TOMM70: variants seen among roughly 807,000 people sequenced by gnomAD.
The protein encoded by TOMM70 is mitochondrial import receptor subunit TOM70.
Under a neutral mutation model 73.6 loss-of-function variants are expected in TOMM70, and 13 were observed. The ratio of observed to expected loss-of-function variants is 0.18; its 90% CI spans 0.11 to 0.28. The LOEUF is 0.28. TOMM70 is among the 10% of genes least tolerant of loss of function. The probability of loss-of-function intolerance (pLI) is 1.00; values close to 1 mark genes in which losing one functional copy is unlikely to be tolerated. For missense variants in TOMM70, 609 were observed against 747.5 expected (o/e 0.81, Z 2.16); for synonymous variants, 257 against 271.2 (o/e 0.95, Z 0.51).
At chr3:100,394,483 A>G (rs114698617) in intron 1 of TOMM70, among the ~76,000 whole-genome samples, 1,683 of 150,938 alleles carry the variant, frequency 0.011, 25 homozygotes, top group African/African-American at 0.039. Context: ...TTCAATACTT[A>G]TTGACCAATT....
intron 1 of TOMM70, among the ~76,000 whole-genome samples, chr3:100,391,042 G>A (rs1027034807): frequency 1.3e-5 from 2 of 152,112 alleles, no homozygotes; most frequent in African/African-American, 4.8e-5. Flanking sequence ...TCAGGAGGCT[G>A]AGGCAGGAGA....
At chr3:100,380,575 T>G (rs1706622112) in intron 5 of TOMM70, among the ~76,000 whole-genome samples, 1 of 152,222 alleles carries the variant, frequency 6.6e-6, no homozygotes, top group South Asian at 2.1e-4. Flanking sequence ...TGATGATAGC[T>G]AGCTACGTCC....
In TOMM70 at chr3:100,376,369, G is replaced by GTTTTTTGTTTTTTT. The variant is rs1553737780; in HGVS notation, c.1093-1218_1093-1217insAAAAAAACAAAAAA. ...CTTGATGGTGTCTTTTCACACAGAA[G>GTTTTTTGTTTTTTT]TTTTTTTTTTTTTTTGAGACAGGAT... On this transcript the variant is annotated intron_variant, in intron 6 of 11. Coordinates refer to ENST00000284320, the MANE Select transcript of TOMM70 (RefSeq NM_014820.5). 6.7e-4 allele frequency among the ~76,000 whole-genome samples: 81 copies of GTTTTTTGTTTTTTT among 121,774 alleles called. 2 individuals carry two copies. Among genetic ancestry groups the GTTTTTTGTTTTTTT allele is most frequent in the African/African-American group, 2.6e-3 (70 of 27,062 alleles). 79.9% of individuals were successfully genotyped at this position (121,774 alleles called of 152,430 possible). A position where few individuals can be genotyped will look rare whatever the true frequency, so the allele number is the denominator to read the frequency against.
intron 8 of TOMM70, 32 bp from the exon 9 acceptor site, chr3:100,372,754 A>C (rs759087565): frequency 3.9e-6 from 6 of 1,544,988 alleles, no homozygotes; most frequent in South Asian, 2.3e-5. Flanking sequence ...CTGTCAAATC[A>C]AGAACTCAAA....
chr3:100,375,407 C>T (rs1446393748), intron 6 of TOMM70, among the ~76,000 whole-genome samples: 1 of 152,208 alleles, frequency 6.6e-6, no homozygotes. Context: ...ACCTCCTACT[C>T]TTCAGCCCCT....
In TOMM70 at chr3:100,379,261, T is replaced by C. The variant is rs1706602412; in HGVS notation, c.885-1349A>G. 3.3e-5 allele frequency among the ~76,000 whole-genome samples: 5 copies of C among 152,234 alleles called. No homozygotes were observed. The South Asian group carries it at 1.0e-3, about 32-fold the overall frequency. Reference sequence around the variant, plus strand: ...TGAGGTATCTTCCAAACATAAGGCATTGTAAATTAAAGTACATTTTCTTAT... The same window carrying C: ...TGAGGTATCTTCCAAACATAAGGCACTGTAAATTAAAGTACATTTTCTTAT... On this transcript the variant is annotated intron_variant, in intron 5 of 11. Coordinates refer to ENST00000284320, the MANE Select transcript of TOMM70 (RefSeq NM_014820.5).
rs139453773 is a variant in TOMM70 at position 100,392,543 on chromosome 3, G to C, written c.325-5565C>G. On this transcript the variant is annotated intron_variant, in intron 1 of 11. Coordinates refer to ENST00000284320, the MANE Select transcript of TOMM70 (RefSeq NM_014820.5). ...TGATTCTTCTGCCTCAGCCTCCTGA[G>C]TAGCTGGGATTACAAGTGCACGCCA... Among the ~76,000 whole-genome samples, 3 of 152,174 alleles carry C rather than the reference G, an allele frequency of 2.0e-5. No homozygotes were observed. The East Asian group carries it at 5.8e-4, about 29-fold the overall frequency.
chr3:100,378,053 TGGCC>T (rs779936309), intron 5 of TOMM70, 141 bp from the exon 6 acceptor site: 136 of 627,464 alleles, frequency 2.2e-4, no homozygotes, highest in Non-Finnish European at 3.4e-4. Flanking sequence ...GAGACCAGCC[TGGCC>T]AACATGGTGA....
rs1347737708 is a variant in TOMM70, at chr3:100,401,076, G to C, written c.-127C>G. The C allele has an allele frequency of 5.5e-6, 6 of 1,085,734 alleles. No individual in the cohort carries two copies. The highest frequency in any genetic ancestry group is 2.8e-5 in the South Asian group (2 of 71,928). The allele number at this position is 1,085,734 out of a possible 1,614,324, so 67.3% of individuals were successfully genotyped here. The stretch of plus-strand genomic sequence containing the variant: ...AGCGAGCACGCTAGGCAGAGAGAGC[G>C]GACGACAGAAAAGGGCCAGAGGTCA... On this transcript the variant is annotated 5_prime_UTR_variant, in exon 1 of 12. Coordinates refer to ENST00000284320, the MANE Select transcript of TOMM70 (RefSeq NM_014820.5).
intron 11 of TOMM70, among the ~76,000 whole-genome samples, chr3:100,367,588 T>C (rs191279194): frequency 2.0e-5 from 3 of 152,338 alleles, no homozygotes; most frequent in Admixed American, 2.0e-4. Context: ...ATCTAAAGTT[T>C]AATACTTGGC....
chr3:100,389,943 G>A (rs1706740052), intron 1 of TOMM70, among the ~76,000 whole-genome samples: 1 of 152,058 alleles, frequency 6.6e-6, no homozygotes, highest in Non-Finnish European at 1.5e-5. Flanking sequence ...AGGAGGCTAA[G>A]GCAGAAGAAT....
intron 4 of TOMM70, 85 bp from the exon 5 acceptor site, chr3:100,381,848 G>A (rs1414028081): frequency 1.5e-6 from 2 of 1,315,038 alleles, no homozygotes; most frequent in Non-Finnish European, 2.0e-6. Flanking sequence ...AAGAATAACT[G>A]TCATAAAAAT....
chr3:100,389,096 C>T (rs1030298657), intron 1 of TOMM70, among the ~76,000 whole-genome samples: 7 of 151,780 alleles, frequency 4.6e-5, no homozygotes, highest in African/African-American at 9.7e-5. Context: ...CATTTTTAGA[C>T]ACATCATGGT....
In TOMM70 at chr3:100,401,034, A is replaced by T; in HGVS notation, c.-85T>A. ...CGTGCGAAGGAAGACCGAGGGAGGGAAGGAAAGCAATGAGCGAGCGAGCAC... is the reference window on the plus strand; with the variant it reads ...CGTGCGAAGGAAGACCGAGGGAGGGTAGGAAAGCAATGAGCGAGCGAGCAC... On this transcript the variant is annotated 5_prime_UTR_variant, in exon 1 of 12. Transcript: ENST00000284320. 1 of 1,386,606 alleles carries T rather than the reference A, an allele frequency of 7.2e-7. No homozygotes were observed. Among genetic ancestry groups the T allele is most frequent in the Non-Finnish European group, 9.8e-7 (1 of 1,020,904 alleles). 85.9% of individuals were successfully genotyped at this position (1,386,606 alleles called of 1,614,324 possible).
At chr3:100,368,210 C>T in intron 10 of TOMM70, 44 bp from the exon 11 acceptor site, 1 of 1,594,624 alleles carries the variant, frequency 6.3e-7, no homozygotes, top group Non-Finnish European at 8.5e-7. Flanking sequence ...GGCCCAGTAT[C>T]AGTAGGAATA....
intron 1 of TOMM70, among the ~76,000 whole-genome samples, chr3:100,398,666 C>T (rs1398963309): frequency 6.6e-6 from 1 of 152,056 alleles, no homozygotes. Context: ...ATTTTTAGTA[C>T]TGAAAGAAAC....
intron 11 of TOMM70, among the ~76,000 whole-genome samples, chr3:100,365,921 A>C (rs1706443684): frequency 6.6e-6 from 1 of 152,242 alleles, no homozygotes; most frequent in Non-Finnish European, 1.5e-5. Context: ...AAACAAGAGT[A>C]CCTACCACAT....
chr3:100,368,937 C>G, intron 10 of TOMM70, 101 bp downstream of exon 10: 1 of 798,044 alleles, frequency 1.3e-6, no homozygotes, highest in East Asian at 2.6e-5. Context: ...TGTCAATTAA[C>G]TTCTCTACCA....
At chr3:100,380,694 A>AC (rs1278796117) in intron 5 of TOMM70, among the ~76,000 whole-genome samples, 6 of 152,212 alleles carry the variant, frequency 3.9e-5, no homozygotes, top group Admixed American at 1.3e-4. Flanking sequence ...CATAACTGTC[A>AC]CAAGAGCTAA....
Sources: gnomAD v4.1 joint callset for allele counts (sites outside exome capture counted in the v4.1 genomes callset) on GRCh38, gnomAD v4.1.1 for gene constraint, MANE v1.5 for transcripts, NCBI Gene and HGNC (gene_info 2026-07-23, HGNC 2026-07-21) for gene names.